The following CACNA1C variants were observed in gnomAD, a reference collection of about 807,000 sequenced individuals.
The protein encoded by CACNA1C is voltage-dependent L-type calcium channel subunit alpha-1C.
CACNA1C carries 30 observed loss-of-function variants against 229.0 expected under a neutral mutation model. That is an observed-to-expected ratio of 0.13 (90% CI 0.10 to 0.18). The LOEUF is 0.18. Ranked by LOEUF, CACNA1C falls within the 10% of genes least tolerant of loss-of-function variation. CACNA1C has a pLI of 1.00. For synonymous variants in CACNA1C, 1,114 were observed against 1,132.5 expected, an observed-to-expected ratio of 0.98 and a Z score of 0.33; for missense variants, 1,658 against 2,845.0, an observed-to-expected ratio of 0.58 and a Z score of 9.49.
chr12:2,497,404 G>A (rs780040330), intron 7 of CACNA1C, among the ~76,000 whole-genome samples: 15 of 152,198 alleles, frequency 9.9e-5, no homozygotes, highest in Admixed American at 2.6e-4. Flanking sequence ...CACGCAGAAC[G>A]TTGCAGGTGA....
chr12:2,405,367 C>T (rs1189491292), intron 3 of CACNA1C, among the ~76,000 whole-genome samples: 2 of 152,180 alleles, frequency 1.3e-5, no homozygotes, highest in African/African-American at 4.8e-5. Flanking sequence ...CAGAACAGTT[C>T]CTTCGCTATG....
intron 38 of CACNA1C, among the ~76,000 whole-genome samples, chr12:2,672,601 G>A (rs1048112595): frequency 3.9e-5 from 6 of 152,110 alleles, no homozygotes; most frequent in Admixed American, 1.3e-4. Flanking sequence ...AGCACATCAC[G>A]CCATCTGTGC....
rs983375888 is a variant in CACNA1C, at chr12:2,665,127, G to T, written c.4398+137G>T. 1.1e-5 allele frequency: 9 copies of T among 830,470 alleles called. No individual in the cohort carries two copies. In the African/African-American group the frequency reaches 1.4e-4, roughly 12 times the overall value. 51.4% of individuals were successfully genotyped at this position (830,470 alleles called of 1,614,324 possible). A position where few individuals can be genotyped will look rare whatever the true frequency, so the allele number is the denominator to read the frequency against. On this transcript the variant is annotated intron_variant, in intron 35 of 46. Transcript: ENST00000399655. This position sits in a 1 kb window ranked among gnomAD's most constrained non-coding sequence, Gnocchi z 5.9. ...GCTTGGGAAGACTAAGTTGGCAGGA[G>T]TGTCCAGCCACATGGAGAGAAAGGC...
chr12:2,163,016 T>C (rs1339551395), intron 3 of CACNA1C, among the ~76,000 whole-genome samples: 1 of 151,994 alleles, frequency 6.6e-6, no homozygotes, highest in Non-Finnish European at 1.5e-5. Flanking sequence ...CTGACCAATA[T>C]GGAGAAACCC....
intron 3 of CACNA1C, among the ~76,000 whole-genome samples, chr12:2,211,220 A>C (rs999861839): frequency 2.0e-5 from 3 of 152,340 alleles, no homozygotes; most frequent in Admixed American, 6.5e-5. Context: ...AGTCAGGTCA[A>C]GGTCAGATTT....
intron 3 of CACNA1C, among the ~76,000 whole-genome samples, chr12:2,311,795 C>T (rs756112191): frequency 6.6e-6 from 1 of 152,208 alleles, no homozygotes; most frequent in African/African-American, 2.4e-5. Context: ...GTAACTTCAT[C>T]ATGGCATTTA....
At chr12:2,234,514 G>A (rs1037221028) in intron 3 of CACNA1C, among the ~76,000 whole-genome samples, 8 of 152,204 alleles carry the variant, frequency 5.3e-5, no homozygotes, top group Non-Finnish European at 1.2e-4. Flanking sequence ...TACTGCCAGA[G>A]ATGGGCTCCT....
rs2096073595 is a variant in CACNA1C, at chr12:2,322,788, G to A, written c.478-126188G>A. Reference sequence around the variant, plus strand: ...GAATTTCAGCTCTATCCCATAGCCTGTTGCATGAGCATCTGTCTCACGAGG... The same window carrying A: ...GAATTTCAGCTCTATCCCATAGCCTATTGCATGAGCATCTGTCTCACGAGG... On this transcript the variant is annotated intron_variant, in intron 3 of 46. Coordinates refer to ENST00000399655, the MANE Select transcript of CACNA1C (RefSeq NM_000719.7). 2.6e-5 allele frequency among the ~76,000 whole-genome samples: 4 copies of A among 152,224 alleles called. No homozygotes were observed. In the South Asian group the frequency reaches 8.3e-4, roughly 32 times the overall value.
Position 2,649,671 on chromosome 12 carries a change from C to T in CACNA1C, c.3945+1164C>T, listed in dbSNP as rs375507250. Reference sequence around the variant, plus strand: ...TTCACGCTGCAAGCTTGGTGTTTGGCGTTTTTTGGGTTTTTTTGTTTGTTT... The same window carrying T: ...TTCACGCTGCAAGCTTGGTGTTTGGTGTTTTTTGGGTTTTTTTGTTTGTTT... On this transcript the variant is annotated intron_variant, in intron 31 of 46. Coordinates refer to ENST00000399655, the MANE Select transcript of CACNA1C (RefSeq NM_000719.7). This position sits in a 1 kb window ranked among gnomAD's most constrained non-coding sequence, Gnocchi z 4.4. Among the ~76,000 whole-genome samples the T allele has an allele frequency of 8.8e-5, 13 of 148,052 alleles. No homozygotes were observed. Among genetic ancestry groups the T allele is most frequent in the East Asian group, 5.9e-4 (3 of 5,094 alleles).
Position 2,215,587 on chromosome 12 carries a change from A to G in CACNA1C, c.477+95157A>G, listed in dbSNP as rs1056597781. Among the ~76,000 whole-genome samples, 1 of 152,166 alleles carries G rather than the reference A, an allele frequency of 6.6e-6. No individual in the cohort carries two copies. Among genetic ancestry groups the G allele is most frequent in the Non-Finnish European group, 1.5e-5 (1 of 68,032 alleles). On this transcript the variant is annotated intron_variant, in intron 3 of 46. Coordinates refer to ENST00000399655, the MANE Select transcript of CACNA1C (RefSeq NM_000719.7). This position sits in a 1 kb window ranked among gnomAD's most constrained non-coding sequence, Gnocchi z 5.0. The stretch of plus-strand genomic sequence containing the variant: ...TAACACTTTTACATCAGCATTGCAC[A>G]TGGACATAAAGGGGCACTGCAGCCA...
intron 3 of CACNA1C, among the ~76,000 whole-genome samples, chr12:2,130,193 C>CTT (rs35630466): frequency 8.8e-6 from 1 of 114,140 alleles, no homozygotes. Context: ...TGAGACCTTT[C>CTT]TTTTTTTTTT....
intron 5 of CACNA1C, among the ~76,000 whole-genome samples, chr12:2,478,223 G>A (rs963091258): frequency 9.9e-5 from 15 of 152,172 alleles, no homozygotes; most frequent in South Asian, 2.1e-4. Flanking sequence ...TGCTTCCACC[G>A]TCCTTTGGGC....
At chr12:2,388,243 T>C (rs892718187) in intron 3 of CACNA1C, among the ~76,000 whole-genome samples, 1 of 152,144 alleles carries the variant, frequency 6.6e-6, no homozygotes, top group Non-Finnish European at 1.5e-5. Flanking sequence ...AATAAAAATA[T>C]ACACTTGAAA....
chr12:2,619,270 A>C (rs534875953), intron 29 of CACNA1C, among the ~76,000 whole-genome samples: 1 of 152,230 alleles, frequency 6.6e-6, no homozygotes, highest in Non-Finnish European at 1.5e-5. Flanking sequence ...GAGTGAGGTC[A>C]TATCTACAGA....
chr12:2,401,025 A>G (rs905282491), intron 3 of CACNA1C, among the ~76,000 whole-genome samples: 2 of 150,366 alleles, frequency 1.3e-5, no homozygotes, highest in Non-Finnish European at 1.5e-5. Context: ...CCCCCTCCCC[A>G]TCTCGGCCTA....
rs112557053 is a variant in CACNA1C, at chr12:2,412,323, C to T, written c.478-36653C>T. On this transcript the variant is annotated intron_variant, in intron 3 of 46. Coordinates refer to ENST00000399655, the MANE Select transcript of CACNA1C (RefSeq NM_000719.7). Reference sequence around the variant, plus strand: ...CCTCAGACCTGGCTTCTTAGAGAAACGGGTCAGGCAGTGACGTTTGTGGCT... The same window carrying T: ...CCTCAGACCTGGCTTCTTAGAGAAATGGGTCAGGCAGTGACGTTTGTGGCT... 9.9e-3 allele frequency among the ~76,000 whole-genome samples: 1,507 copies of T among 152,320 alleles called. 8 individuals carry two copies. Among genetic ancestry groups the T allele is most frequent in the Non-Finnish European group, 0.017 (1,157 of 68,032 alleles).
intron 42 of CACNA1C, chr12:2,680,425 C>T: frequency 6.4e-7 from 1 of 1,561,436 alleles, no homozygotes. Context: ...CCCCGCAGGG[C>T]TCCTCCCTGT....
intron 1 of CACNA1C, among the ~76,000 whole-genome samples, chr12:1,972,560 T>C (rs1196888765): frequency 6.6e-6 from 1 of 152,190 alleles, no homozygotes; most frequent in Non-Finnish European, 1.5e-5. Context: ...CAAGAACCTA[T>C]TTCACCAATG....
intron 5 of CACNA1C, among the ~76,000 whole-genome samples, chr12:2,461,452 A>G (rs907051527): frequency 6.6e-6 from 1 of 151,920 alleles, no homozygotes; most frequent in Non-Finnish European, 1.5e-5. Flanking sequence ...CTCTGTCTGT[A>G]CTCACTCCCT....
Sources: allele counts gnomAD v4.1 joint callset (sites outside exome capture counted in the v4.1 genomes callset), GRCh38; gene constraint gnomAD v4.1.1; non-coding constraint Gnocchi (gnomAD v3.1); transcripts MANE v1.5; gene names NCBI Gene and HGNC (gene_info 2026-07-23, HGNC 2026-07-21).